ETFB: variants seen among roughly 807,000 people sequenced by gnomAD.
ETFB encodes the protein electron transfer flavoprotein subunit beta, also known as beta-ETF.
ETFB carries 20 observed loss-of-function variants against 25.6 expected under a neutral mutation model. The observed-to-expected ratio is 0.78, with a 90% CI of 0.55 to 1.14. ETFB has a LOEUF of 1.14. Ranked by LOEUF, ETFB falls within the 50% of genes most tolerant of loss-of-function variation. The pLI is 0.00. For synonymous variants in ETFB, 142 were observed against 146.7 expected (o/e 0.97, Z 0.23); for missense variants, 286 against 342.6 (o/e 0.83, Z 1.30).
intron 1 of ETFB, among the ~76,000 whole-genome samples, chr19:51,358,682 G>A (rs1312762077): frequency 6.6e-6 from 1 of 152,132 alleles, no homozygotes; most frequent in Admixed American, 6.5e-5. Flanking sequence ...GGTAGTGCAC[G>A]CCTGTAATTG....
intron 1 of ETFB, among the ~76,000 whole-genome samples, chr19:51,363,469 G>A (rs1986279159): frequency 6.6e-6 from 1 of 152,058 alleles, no homozygotes; most frequent in Non-Finnish European, 1.5e-5. Flanking sequence ...ATTATTTTGA[G>A]ACTGAGTCTA....
chr19:51,354,908 TG>T (rs893452026), intron 1 of ETFB: 2 of 441,494 alleles, frequency 4.5e-6, no homozygotes, highest in African/African-American at 2.0e-5. Context: ...GTGGTCTCTG[TG>T]GGAACTTGCA....
chr19:51,355,387 A>G (rs146391045), intron 1 of ETFB: 2 of 152,406 alleles, frequency 1.3e-5, no homozygotes, highest in East Asian at 1.9e-4. Flanking sequence ...CAAAATCACA[A>G]TGAGATACCG....
At chr19:51,354,518 A>C in intron 1 of ETFB, 1 of 1,614,152 alleles carries the variant, frequency 6.2e-7, no homozygotes. Flanking sequence ...TCATCCAGCC[A>C]TTCCTGGGTA....
chr19:51,360,478 T>C (rs76776033), intron 1 of ETFB, among the ~76,000 whole-genome samples: 5,258 of 152,268 alleles, frequency 0.035, 260 homozygotes, highest in African/African-American at 0.12. Flanking sequence ...TCAAGGGTTT[T>C]ATATGCATTA....
intron 1 of ETFB, among the ~76,000 whole-genome samples, chr19:51,363,605 T>C (rs1331095286): frequency 6.6e-6 from 1 of 152,200 alleles, no homozygotes; most frequent in South Asian, 2.1e-4. Context: ...CGTGCCACCA[T>C]GCCTGGCTAA....
intron 1 of ETFB, chr19:51,355,241 T>A (rs1986049086): frequency 6.6e-6 from 1 of 152,500 alleles, no homozygotes; most frequent in African/African-American, 2.4e-5. Context: ...CAAACAAATG[T>A]ACAAGAAAAA....
At chr19:51,359,112 T>A (rs952196261) in intron 1 of ETFB, among the ~76,000 whole-genome samples, 1 of 151,456 alleles carries the variant, frequency 6.6e-6, no homozygotes, top group Admixed American at 6.6e-5. Flanking sequence ...AGTGCAGAGG[T>A]GCCACCTTGC....
chr19:51,353,282 A>G lies in ETFB; in HGVS notation c.225T>C (p.Ile75=). 6.2e-7 allele frequency: 1 copy of G among 1,613,992 alleles called. No individual in the cohort carries two copies. Among genetic ancestry groups the G allele is most frequent in the South Asian group, 1.1e-5 (1 of 91,086 alleles). The change falls in exon 3 of 6, where the codon ATT becomes ATC. Residue 75 remains isoleucine, a synonymous_variant. Transcript: ENST00000309244. ...SCGPAQCQET[I]RTALAMGADR... is the part of the protein sequence containing the mutation. The stretch of plus-strand genomic sequence containing the variant: ...CTGCACCCATGGCCAGGGCGGTACG[A>G]ATCGTCTCCTGCCAAGGACAGAGGG...
In ETFB at chr19:51,345,330, C is replaced by A. The variant is rs779532662; in HGVS notation, c.649G>T (p.Asp217Tyr). The change falls in exon 6 of 6, where the codon GAC (aspartate) becomes TAC (tyrosine). Residue 217 changes from aspartate (D) to tyrosine (Y), a missense_variant. By Grantham distance (160) the Asp-to-Tyr change is radical (BLOSUM62 -3). Transcript: ENST00000309244. ...ATCACAGAGAGCTTGGAGGTCAGGTCCACACCCAGGTCCCCAGGCTTGATC... is the reference window on the plus strand; with the variant it reads ...ATCACAGAGAGCTTGGAGGTCAGGTACACACCCAGGTCCCCAGGCTTGATC... ...EVIKPGDLGV[D>Y]LTSKLSVISV... 9 of 1,613,944 alleles carry A rather than the reference C, an allele frequency of 5.6e-6. No individual in the cohort carries two copies. The highest frequency in any genetic ancestry group is 7.6e-6 in the Non-Finnish European group (9 of 1,180,010).
At chr19:51,354,127 C>A in intron 2 of ETFB, 23 bp downstream of exon 2, 1 of 1,611,686 alleles carries the variant, frequency 6.2e-7, no homozygotes, top group Non-Finnish European at 8.5e-7. Context: ...GGAGTCCAGC[C>A]CCCTCCCCAA....
rs188042601 is a variant in ETFB, at chr19:51,361,552, G to A, written c.57+4718C>T. On this transcript the variant is annotated intron_variant, in intron 1 of 5. Coordinates refer to ENST00000309244, the MANE Select transcript of ETFB (RefSeq NM_001985.3). ...AGGAAAACCTGAAGAAACACCAGGC[G>A]CTCCCAGACGAGAGGGTGTGGCTGG... 7.6e-4 allele frequency among the ~76,000 whole-genome samples: 115 copies of A among 152,270 alleles called. 1 individual carries two copies. In the Middle Eastern group the frequency reaches 0.027, roughly 36 times the overall value.
At chr19:51,363,924 T>C (rs966877642) in intron 1 of ETFB, among the ~76,000 whole-genome samples, 1 of 151,042 alleles carries the variant, frequency 6.6e-6, no homozygotes, top group East Asian at 2.0e-4. Flanking sequence ...TAAGGGAGGG[T>C]CCAAGGAGGG....
intron 1 of ETFB, chr19:51,354,677 C>A: frequency 6.2e-7 from 1 of 1,605,804 alleles, no homozygotes; most frequent in Non-Finnish European, 8.5e-7. Flanking sequence ...ACATAATACA[C>A]TGATACATAA....
rs767608889 is a variant in ETFB, at chr19:51,354,585, AAG to A, written c.58-279_58-278del. On this transcript the variant is annotated intron_variant, in intron 1 of 5. Coordinates refer to ENST00000309244, the MANE Select transcript of ETFB (RefSeq NM_001985.3). ...TTGTCACTGCTCCTCTCAGGCCTGA[AAG>A]AGTGTTTCTCAAATTTACAGTATTT... 2.5e-6 allele frequency: 4 copies of A among 1,614,124 alleles called. No homozygotes were observed. The South Asian group carries it at 4.4e-5, about 18-fold the overall frequency.
intron 3 of ETFB, among the ~76,000 whole-genome samples, chr19:51,351,653 G>C (rs11672684): frequency 1.3e-5 from 2 of 152,344 alleles, no homozygotes; most frequent in African/African-American, 4.8e-5. Flanking sequence ...CCTGTTCTCC[G>C]GGTAGGCCCT....
rs1439408376 is a variant in ETFB at position 51,353,301 on chromosome 19, C to A, written c.217-11G>T. The A allele has an allele frequency of 6.2e-7, 1 of 1,613,920 alleles. No individual in the cohort carries two copies. The highest frequency in any genetic ancestry group is 8.5e-7 in the Non-Finnish European group (1 of 1,179,966). ...GGTACGAATCGTCTCCTGCCAAGGACAGAGGGGCTTGACTTGGCTGCTATC... is the reference window on the plus strand; with the variant it reads ...GGTACGAATCGTCTCCTGCCAAGGAAAGAGGGGCTTGACTTGGCTGCTATC... On this transcript the variant is annotated splice_polypyrimidine_tract_variant and intron_variant, in intron 2 of 5. Coordinates refer to ENST00000309244, the MANE Select transcript of ETFB (RefSeq NM_001985.3).
intron 2 of ETFB, 40 bp from the exon 3 acceptor site, chr19:51,353,330 A>G (rs1331883229): frequency 6.2e-7 from 1 of 1,611,478 alleles, no homozygotes; most frequent in Non-Finnish European, 8.5e-7. Context: ...TGCTATCCTC[A>G]GGGGGACCTA....
At chr19:51,357,073 T>A (rs1986097068) in intron 1 of ETFB, 1 of 151,050 alleles carries the variant, frequency 6.6e-6, no homozygotes, top group South Asian at 2.1e-4. Flanking sequence ...CTGTTTCTAA[T>A]TTCTTTTTTT....
Sources: allele counts gnomAD v4.1 joint callset (sites outside exome capture counted in the v4.1 genomes callset), GRCh38; gene constraint gnomAD v4.1.1; transcripts MANE v1.5; gene names NCBI Gene and HGNC (gene_info 2026-07-23, HGNC 2026-07-21).